Variants in BCAT1 observed in about 807,000 individuals in gnomAD.
The protein encoded by BCAT1 is branched chain amino acid transaminase 1.
In BCAT1, 48 loss-of-function variants were observed where a neutral mutation model predicts 52.4. That is an observed-to-expected ratio of 0.92 (90% confidence interval 0.73 to 1.16). The LOEUF (loss-of-function observed/expected upper bound fraction) is 1.16. BCAT1 is among the 50% of genes most tolerant of loss of function. The pLI, the probability that BCAT1 is intolerant of heterozygous loss-of-function variation, is 0.00. For missense variants in BCAT1, 451 were observed against 457.1 expected, an observed-to-expected ratio of 0.99 and a Z score of 0.12; for synonymous variants, 167 against 161.3, an observed-to-expected ratio of 1.04 and a Z score of -0.27.
intron 2 of BCAT1, among the ~76,000 whole-genome samples, chr12:24,897,251 AC>A (rs1245770402): frequency 2.6e-5 from 4 of 152,150 alleles, no homozygotes; most frequent in Non-Finnish European, 5.9e-5. Flanking sequence ...GTTTTCTGAG[AC>A]CTCTCCTTAA....
At chr12:24,840,189 G>C (rs1171599826) in intron 7 of BCAT1, among the ~76,000 whole-genome samples, 1 of 152,234 alleles carries the variant, frequency 6.6e-6, no homozygotes, top group Non-Finnish European at 1.5e-5. Flanking sequence ...CACCAGGACA[G>C]TTTCTGGTGT....
intron 4 of BCAT1, among the ~76,000 whole-genome samples, chr12:24,879,361 G>C (rs1429941089): frequency 6.6e-6 from 1 of 152,014 alleles, no homozygotes; most frequent in East Asian, 1.9e-4. Flanking sequence ...CAAAAGCAAA[G>C]AGCACTTTAT....
At chr12:24,878,272 T>G (rs952518160) in intron 5 of BCAT1, among the ~76,000 whole-genome samples, 1 of 152,166 alleles carries the variant, frequency 6.6e-6, no homozygotes, top group African/African-American at 2.4e-5. Context: ...AATCGAATTA[T>G]AATTGATTTT....
intron 7 of BCAT1, among the ~76,000 whole-genome samples, chr12:24,839,199 T>C (rs7970200): frequency 0.46 from 69,602 of 151,878 alleles, 16,195 homozygotes; most frequent in East Asian, 0.64. Context: ...AAATGGGAAA[T>C]GGAGTTTATG....
At chr12:24,838,800 C>T (rs759704920) in intron 7 of BCAT1, among the ~76,000 whole-genome samples, 4 of 152,166 alleles carry the variant, frequency 2.6e-5, no homozygotes, top group Non-Finnish European at 4.4e-5. Flanking sequence ...GAAATCACTC[C>T]AGATTGCCCA....
chr12:24,884,980 C>T (rs1206786718), intron 3 of BCAT1, among the ~76,000 whole-genome samples: 5 of 146,550 alleles, frequency 3.4e-5, no homozygotes, highest in Admixed American at 2.0e-4. Context: ...AGCTCGCAAA[C>T]GTTATACTTA....
intron 1 of BCAT1, among the ~76,000 whole-genome samples, chr12:24,934,964 T>C (rs1427139906): frequency 1.3e-5 from 2 of 152,200 alleles, no homozygotes; most frequent in African/African-American, 4.8e-5. Flanking sequence ...TGGTTTCCTC[T>C]CTAGAAACAG....
chr12:24,839,879 A>T lies in BCAT1; in HGVS notation c.817+2203T>A, dbSNP rs1941123957. 2.0e-5 allele frequency among the ~76,000 whole-genome samples: 3 copies of T among 152,090 alleles called. No homozygotes were observed. The South Asian group carries it at 6.2e-4, about 32-fold the overall frequency. ...TAAATCAAAGTTACTTCAGAATTGCATGTCTTTTTTTTTAGCCCAAAGGTT... is the reference window on the plus strand; with the variant it reads ...TAAATCAAAGTTACTTCAGAATTGCTTGTCTTTTTTTTTAGCCCAAAGGTT... On this transcript the variant is annotated intron_variant, in intron 7 of 10. Coordinates refer to ENST00000261192, the MANE Select transcript of BCAT1 (RefSeq NM_005504.7).
chr12:24,876,686 A>G (rs1004023711), intron 5 of BCAT1, among the ~76,000 whole-genome samples: 3 of 152,200 alleles, frequency 2.0e-5, no homozygotes, highest in Non-Finnish European at 2.9e-5. Context: ...TTCCTATCAT[A>G]AAGTTAAAAA....
Position 24,901,794 on chromosome 12 carries a change from G to A in BCAT1, c.78+20C>T. Reference sequence around the variant, plus strand: ...AGTTGAACGTTGCTTTAGACACTAAGCCTCTGGCAAGCAACTTACCTTAAA... The same window carrying A: ...AGTTGAACGTTGCTTTAGACACTAAACCTCTGGCAAGCAACTTACCTTAAA... On this transcript the variant is annotated intron_variant, in intron 2 of 10. Transcript: ENST00000261192. The A allele has an allele frequency of 6.2e-7, 1 of 1,611,640 alleles. No individual in the cohort carries two copies. Among genetic ancestry groups the A allele is most frequent in the Non-Finnish European group, 8.5e-7 (1 of 1,178,160 alleles).
At chr12:24,930,997 G>A (rs1046256163) in intron 1 of BCAT1, among the ~76,000 whole-genome samples, 4 of 149,244 alleles carry the variant, frequency 2.7e-5, no homozygotes, top group Admixed American at 6.8e-5. Context: ...CCACCTCCCA[G>A]GTTCTGGTGA....
upstream of BCAT1, chr12:24,949,281 G>A (rs1943986526): frequency 2.7e-6 from 1 of 368,118 alleles, no homozygotes; most frequent in Non-Finnish European, 4.9e-6. Context: ...GGGCAGAGGT[G>A]CCAGTGTTGC....
At chr12:24,841,587 A>G (rs981742314) in intron 7 of BCAT1, among the ~76,000 whole-genome samples, 1 of 152,170 alleles carries the variant, frequency 6.6e-6, no homozygotes, top group African/African-American at 2.4e-5. Context: ...AACGAAAAAC[A>G]AAAAACCTCT....
chr12:24,891,276 C>T (rs1942830278), intron 3 of BCAT1, among the ~76,000 whole-genome samples: 1 of 152,032 alleles, frequency 6.6e-6, no homozygotes. Context: ...TTTTGCAGCC[C>T]AGATGGCAAT....
chr12:24,829,011 ATAAATAAG>A (rs1442558101), intron 10 of BCAT1, among the ~76,000 whole-genome samples: 1 of 135,188 alleles, frequency 7.4e-6, no homozygotes, highest in African/African-American at 2.9e-5. Flanking sequence ...AGTCTCAAAA[ATAAATAAG>A]TAAATAAATA....
chr12:24,903,733 GC>G (rs1273182600), intron 1 of BCAT1: 1 of 152,150 alleles, frequency 6.6e-6, no homozygotes, highest in Non-Finnish European at 1.5e-5. Flanking sequence ...TCCGATGTAG[GC>G]TCGTGATCGC....
At chr12:24,923,735 T>C (rs1943536431) in intron 1 of BCAT1, among the ~76,000 whole-genome samples, 1 of 152,118 alleles carries the variant, frequency 6.6e-6, no homozygotes, top group Admixed American at 6.5e-5. Context: ...TATGCTCAAA[T>C]CAGAGAGAAC....
chr12:24,907,901 A>G (rs151066818), intron 1 of BCAT1, among the ~76,000 whole-genome samples: 3,029 of 152,280 alleles, frequency 0.02, 85 homozygotes, highest in African/African-American at 0.069. Flanking sequence ...TATTGCTCAC[A>G]CAAAGCCTGT....
intron 10 of BCAT1, among the ~76,000 whole-genome samples, chr12:24,827,049 G>A (rs374913418): frequency 9.9e-5 from 15 of 152,116 alleles, no homozygotes; most frequent in African/African-American, 3.4e-4. Flanking sequence ...GAGTCTTTAG[G>A]TTTTTCTAGG....
Sources: allele counts gnomAD v4.1 joint callset (sites outside exome capture counted in the v4.1 genomes callset), GRCh38; gene constraint gnomAD v4.1.1; transcripts MANE v1.5; gene names NCBI Gene and HGNC (gene_info 2026-07-23, HGNC 2026-07-21).